The following CTNNA3 variants were observed in gnomAD, a reference collection of about 807,000 sequenced individuals.
CTNNA3 encodes the protein catenin alpha 3.
CTNNA3 carries 76 observed loss-of-function variants against 95.7 expected under a neutral mutation model. The observed-to-expected ratio is 0.79, with a 90% CI of 0.66 to 0.96. The LOEUF (loss-of-function observed/expected upper bound fraction) is 0.96, where lower values mean the gene tolerates loss of function less well. Ranked by LOEUF, CTNNA3 falls within the 40% of genes least tolerant of loss-of-function variation. The probability of loss-of-function intolerance (pLI) is 0.00; values close to 1 mark genes in which losing one functional copy is unlikely to be tolerated. For synonymous variants in CTNNA3, 431 were observed against 374.4 expected (o/e 1.15, Z -1.74); for missense variants, 1,191 against 1,089.8 (o/e 1.09, Z -1.31).
At chr10:66,811,148 A>T (rs1841859560) in intron 7 of CTNNA3, among the ~76,000 whole-genome samples, 2 of 152,180 alleles carry the variant, frequency 1.3e-5, no homozygotes, top group Admixed American at 1.3e-4. Context: ...TACTTGCACT[A>T]AAATCAGGAT....
At chr10:66,748,264 G>A (rs1338637652) in intron 9 of CTNNA3, among the ~76,000 whole-genome samples, 1 of 152,134 alleles carries the variant, frequency 6.6e-6, no homozygotes, top group Non-Finnish European at 1.5e-5. Context: ...TGTTGAAAAA[G>A]CAATTCCGCA....
intron 10 of CTNNA3, among the ~76,000 whole-genome samples, chr10:66,541,036 A>C (rs972297069): frequency 2.6e-5 from 4 of 152,092 alleles, no homozygotes; most frequent in African/African-American, 9.7e-5. Flanking sequence ...ACCTGCTTTG[A>C]GTTTTTTTCT....
At chr10:66,150,456 TG>T (rs1226803977) in intron 13 of CTNNA3, among the ~76,000 whole-genome samples, 1 of 151,992 alleles carries the variant, frequency 6.6e-6, no homozygotes, top group Non-Finnish European at 1.5e-5. Flanking sequence ...ATATCTATTA[TG>T]GTCTTTTAAA....
At chr10:66,485,530 A>G (rs1839695157) in intron 11 of CTNNA3, among the ~76,000 whole-genome samples, 1 of 152,160 alleles carries the variant, frequency 6.6e-6, no homozygotes, top group Non-Finnish European at 1.5e-5. Context: ...AAATATATTT[A>G]ACCAGGAAGG....
intron 7 of CTNNA3, among the ~76,000 whole-genome samples, chr10:67,086,372 G>A (rs1173263691): frequency 1.3e-5 from 2 of 151,958 alleles, no homozygotes; most frequent in Admixed American, 6.6e-5. Context: ...TTAGTTGGGA[G>A]ATAATCTCAA....
rs558530527 is a variant in CTNNA3, at chr10:66,447,964, T to A, written c.1532-68612A>T. Among the ~76,000 whole-genome samples the A allele has an allele frequency of 7.5e-4, 114 of 152,124 alleles. 4 individuals carry two copies. In the South Asian group the frequency reaches 0.023, roughly 31 times the overall value. ...CTAATATCCAGAATCTACAATGAACTCAAACAAATTTACAAGAGAAAAACA... is the reference window on the plus strand; with the variant it reads ...CTAATATCCAGAATCTACAATGAACACAAACAAATTTACAAGAGAAAAACA... On this transcript the variant is annotated intron_variant, in intron 11 of 17. Coordinates refer to ENST00000433211, the MANE Select transcript of CTNNA3 (RefSeq NM_013266.4).
intron 10 of CTNNA3, among the ~76,000 whole-genome samples, chr10:66,539,829 G>A (rs1278154264): frequency 3.3e-5 from 5 of 152,016 alleles, no homozygotes; most frequent in Admixed American, 2.0e-4. Flanking sequence ...TTCTACCCCA[G>A]ACCTACTGAA....
chr10:66,223,495 G>A (rs73313974), intron 13 of CTNNA3, among the ~76,000 whole-genome samples: 5,106 of 152,188 alleles, frequency 0.034, 281 homozygotes, highest in African/African-American at 0.12. Context: ...ATTTTTAAAA[G>A]ACTATCAATA....
chr10:66,772,191 C>T (rs950088759), intron 8 of CTNNA3, among the ~76,000 whole-genome samples: 6 of 151,976 alleles, frequency 3.9e-5, no homozygotes, highest in African/African-American at 1.4e-4. Context: ...TTTGGGAGGC[C>T]GAGGTGGGCA....
At chr10:67,565,813 A>G (rs28760949) in intron 3 of CTNNA3, among the ~76,000 whole-genome samples, 18,808 of 139,852 alleles carry the variant, frequency 0.13, 1,477 homozygotes, top group African/African-American at 0.36. Flanking sequence ...AAGGACTAAA[A>G]ATAGAACTAC....
intron 12 of CTNNA3, among the ~76,000 whole-genome samples, chr10:66,300,128 G>A (rs1299870063): frequency 6.6e-6 from 1 of 151,868 alleles, no homozygotes; most frequent in Non-Finnish European, 1.5e-5. Context: ...TCCTGACCTC[G>A]TGATTCACCT....
At position 65,928,377 on chromosome 10, in the gene CTNNA3, T is replaced by A. The variant is rs180766549; in HGVS notation, c.2401-7760A>T. On this transcript the variant is annotated intron_variant, in intron 17 of 17. Transcript: ENST00000433211. Reference sequence around the variant, plus strand: ...ATCATACTATGACGCTAACATCACTTTCTCAGGGAAGAGTTCCACAATACT... The same window carrying A: ...ATCATACTATGACGCTAACATCACTATCTCAGGGAAGAGTTCCACAATACT... 1.3e-4 allele frequency among the ~76,000 whole-genome samples: 20 copies of A among 152,284 alleles called. No homozygotes were observed. The East Asian group carries it at 3.7e-3, about 28-fold the overall frequency.
At chr10:66,039,288 A>G (rs554554495) in intron 15 of CTNNA3, among the ~76,000 whole-genome samples, 1 of 152,240 alleles carries the variant, frequency 6.6e-6, no homozygotes, top group Admixed American at 6.5e-5. Flanking sequence ...GGAAGAATCA[A>G]TATTGTTAAA....
chr10:66,530,891 C>T (rs1841442941), intron 10 of CTNNA3, among the ~76,000 whole-genome samples: 1 of 152,070 alleles, frequency 6.6e-6, no homozygotes, highest in African/African-American at 2.4e-5. Context: ...AAGTTTATTT[C>T]TGGGAGGATA....
At chr10:66,282,014 A>G (rs1798265488) in intron 12 of CTNNA3, among the ~76,000 whole-genome samples, 1 of 151,876 alleles carries the variant, frequency 6.6e-6, no homozygotes, top group African/African-American at 2.4e-5. Flanking sequence ...TCAATTCCTT[A>G]GTCATACTCA....
intron 5 of CTNNA3, among the ~76,000 whole-genome samples, chr10:67,359,845 CAG>C (rs929235680): frequency 1.3e-5 from 2 of 152,060 alleles, no homozygotes; most frequent in Non-Finnish European, 2.9e-5. Flanking sequence ...CCAAGAAACT[CAG>C]AGAACCCTCA....
Position 66,101,073 on chromosome 10 carries a change from G to T in CTNNA3, c.1977+2084C>A, listed in dbSNP as rs113616872. ...TGACACCTACACTTTACCTTCAGTG[G>T]CATCAGCCTGAGTGAACCACGCACC... On this transcript the variant is annotated intron_variant, in intron 14 of 17. Transcript: ENST00000433211. Among the ~76,000 whole-genome samples the T allele has an allele frequency of 6.9e-3, 1,056 of 152,176 alleles. 6 individuals carry two copies. The highest frequency in any genetic ancestry group is 0.024 in the African/African-American group (985 of 41,536).
chr10:66,329,200 C>T (rs1048925029), intron 12 of CTNNA3, among the ~76,000 whole-genome samples: 6 of 151,742 alleles, frequency 4.0e-5, no homozygotes, highest in Admixed American at 1.3e-4. Flanking sequence ...ATACACCCAC[C>T]TCAGCCTCCT....
intron 5 of CTNNA3, among the ~76,000 whole-genome samples, chr10:67,270,531 T>C (rs1263557150): frequency 6.6e-6 from 1 of 152,154 alleles, no homozygotes; most frequent in Non-Finnish European, 1.5e-5. Flanking sequence ...AAGTTCACCA[T>C]TCTAGTTCTT....
Sources: gnomAD v4.1 joint callset for allele counts (sites outside exome capture counted in the v4.1 genomes callset) on GRCh38, gnomAD v4.1.1 for gene constraint, MANE v1.5 for transcripts, NCBI Gene and HGNC (gene_info 2026-07-23, HGNC 2026-07-21) for gene names.